Variants in SCGB2B2 observed in about 807,000 individuals in gnomAD.
The protein encoded by SCGB2B2 is secretoglobin family 2B member 2.
SCGB2B2 carries 11 observed loss-of-function variants against 7.6 expected under a neutral mutation model. The ratio of observed to expected loss-of-function variants is 1.45; its 90% CI spans 0.91 to 2.40. SCGB2B2 has a LOEUF of 2.40. Among genes scored for constraint, SCGB2B2 ranks in the 30% most tolerant of loss-of-function variants. The pLI, the probability that SCGB2B2 is intolerant of heterozygous loss-of-function variation, is 0.00. For missense variants in SCGB2B2, 104 were observed against 115.4 expected (o/e 0.90, Z 0.45); for synonymous variants, 50 against 48.6 (o/e 1.03, Z -0.12).
chr19:34,662,606 G>A (rs1161536316), intron 1 of SCGB2B2, among the ~76,000 whole-genome samples: 1 of 151,406 alleles, frequency 6.6e-6, no homozygotes, highest in African/African-American at 2.4e-5. Flanking sequence ...AAACCATAAG[G>A]AAAATACAAA....
chr19:34,636,718 A>G (rs778117383), intron 1 of SCGB2B2, among the ~76,000 whole-genome samples: 10 of 152,184 alleles, frequency 6.6e-5, no homozygotes, highest in Non-Finnish European at 1.0e-4. Context: ...AAACATAGAA[A>G]AGAGTTATGG....
At chr19:34,629,882 C>T (rs147558307) in intron 1 of SCGB2B2, among the ~76,000 whole-genome samples, 1 of 151,932 alleles carries the variant, frequency 6.6e-6, no homozygotes, top group Non-Finnish European at 1.5e-5. Flanking sequence ...GGCTACATAA[C>T]CAAAACAGCA....
chr19:34,597,689 C>T (rs1031770098), intron 1 of SCGB2B2, among the ~76,000 whole-genome samples: 3 of 152,022 alleles, frequency 2.0e-5, no homozygotes, highest in Admixed American at 6.6e-5. Flanking sequence ...GGACGCGAGG[C>T]CTTCCCTGCA....
intron 1 of SCGB2B2, among the ~76,000 whole-genome samples, chr19:34,649,246 T>C (rs1312723558): frequency 6.6e-6 from 1 of 152,132 alleles, no homozygotes; most frequent in Non-Finnish European, 1.5e-5. Context: ...ATGTAAAAGT[T>C]CCGGAACAGT....
At chr19:34,637,337 G>A (rs922749367) in intron 1 of SCGB2B2, among the ~76,000 whole-genome samples, 8 of 152,166 alleles carry the variant, frequency 5.3e-5, no homozygotes, top group African/African-American at 1.9e-4. Context: ...GTCCAGCCCT[G>A]GCACCCACAG....
chr19:34,670,737 A>G (rs983711761), intron 1 of SCGB2B2, among the ~76,000 whole-genome samples: 14 of 152,168 alleles, frequency 9.2e-5, no homozygotes, highest in African/African-American at 3.4e-4. Context: ...ACTGTTGACA[A>G]AGTTGAATGT....
At chr19:34,609,342 A>C (rs1483374509) in intron 1 of SCGB2B2, among the ~76,000 whole-genome samples, 2 of 150,582 alleles carry the variant, frequency 1.3e-5, no homozygotes, top group African/African-American at 5.0e-5. Context: ...AGTCCTGTTT[A>C]TTTTTTCTTT....
intron 1 of SCGB2B2, among the ~76,000 whole-genome samples, chr19:34,637,445 G>A (rs1189056651): frequency 6.6e-6 from 1 of 152,182 alleles, no homozygotes; most frequent in Non-Finnish European, 1.5e-5. Flanking sequence ...AAAGAGCCCA[G>A]CCTGGGATGC....
downstream of SCGB2B2, among the ~76,000 whole-genome samples, chr19:34,590,358 C>T (rs2065269209): frequency 7.2e-6 from 1 of 138,782 alleles, no homozygotes; most frequent in Admixed American, 7.6e-5. Context: ...ACTCATCATC[C>T]ATCCATCCAT....
At chr19:34,664,421 G>A (rs2067553466) in intron 1 of SCGB2B2, among the ~76,000 whole-genome samples, 1 of 152,160 alleles carries the variant, frequency 6.6e-6, no homozygotes, top group South Asian at 2.1e-4. Flanking sequence ...CCTCACCTTG[G>A]ACAGCAGCCC....
chr19:34,618,605 G>A (rs2066155835), intron 1 of SCGB2B2, among the ~76,000 whole-genome samples: 1 of 152,130 alleles, frequency 6.6e-6, no homozygotes, highest in Admixed American at 6.5e-5. Context: ...CTTAAAAACT[G>A]CTGAACTAGA....
At chr19:34,662,708 G>A (rs573316476) in intron 1 of SCGB2B2, among the ~76,000 whole-genome samples, 45 of 152,146 alleles carry the variant, frequency 3.0e-4, no homozygotes, top group Non-Finnish European at 1.3e-4. Context: ...TAGCACATTG[G>A]GAGGCCAAGG....
At position 34,676,516 on chromosome 19, in the gene SCGB2B2, T is replaced by C. The variant is rs560575706; in HGVS notation, c.-2918A>G. The C allele has an allele frequency of 1.3e-5, 2 of 152,284 alleles. No individual in the cohort carries two copies. Among genetic ancestry groups the C allele is most frequent in the South Asian group, 4.1e-4 (2 of 4,830 alleles). The allele number at this position is 152,284 out of a possible 1,614,324, so 9.4% of individuals were successfully genotyped here. A position where few individuals can be genotyped will look rare whatever the true frequency, so the allele number is the denominator to read the frequency against. Reference sequence around the variant, plus strand: ...CATCATCAAGCAATAAATACAAGTATCCCTAGTCCAGCAGCCCAAGCTGCT... The same window carrying C: ...CATCATCAAGCAATAAATACAAGTACCCCTAGTCCAGCAGCCCAAGCTGCT... On this transcript the variant is annotated 5_prime_UTR_variant, in exon 1 of 4. Coordinates refer to ENST00000601241, the MANE Select transcript of SCGB2B2 (RefSeq NM_001025591.4).
chr19:34,612,269 C>T (rs553316080), intron 1 of SCGB2B2, among the ~76,000 whole-genome samples: 8 of 151,544 alleles, frequency 5.3e-5, no homozygotes, highest in African/African-American at 1.5e-4. Context: ...GATCTCCTGA[C>T]ATCGTGATCC....
chr19:34,624,001 G>A (rs1370437774), intron 1 of SCGB2B2, among the ~76,000 whole-genome samples: 2 of 152,182 alleles, frequency 1.3e-5, no homozygotes, highest in Non-Finnish European at 2.9e-5. Flanking sequence ...ATAGAGGGAT[G>A]CAGGAGGAAA....
At position 34,630,591 on chromosome 19, in the gene SCGB2B2, G is replaced by T. The variant is rs531047632; in HGVS notation, c.-2031-33997C>A. Among the ~76,000 whole-genome samples the T allele has an allele frequency of 1.8e-4, 28 of 151,946 alleles. No individual in the cohort carries two copies. In the East Asian group the frequency reaches 3.5e-3, roughly 19 times the overall value. ...ACCATCTCACGCCAGTTAGAATGGC[G>T]ATCATTAAAAAGCCAGGAAATAACA... On this transcript the variant is annotated intron_variant, in intron 1 of 3. Transcript: ENST00000601241.
intron 1 of SCGB2B2, among the ~76,000 whole-genome samples, chr19:34,630,530 C>T (rs548391370): frequency 2.6e-5 from 4 of 151,928 alleles, no homozygotes; most frequent in Non-Finnish European, 5.9e-5. Flanking sequence ...CCATCACTGG[C>T]CATCAGAGAA....
chr19:34,637,299 C>A (rs911199511), intron 1 of SCGB2B2, among the ~76,000 whole-genome samples: 1 of 152,166 alleles, frequency 6.6e-6, no homozygotes, highest in African/African-American at 2.4e-5. Context: ...AGTGGGGCTG[C>A]CTGGGGAGGG....
At chr19:34,647,118 C>T (rs1356057705) in intron 1 of SCGB2B2, among the ~76,000 whole-genome samples, 1 of 152,200 alleles carries the variant, frequency 6.6e-6, no homozygotes, top group Non-Finnish European at 1.5e-5. Flanking sequence ...ACCTGCAGCT[C>T]AGCTCTGCTC....
Sources: gnomAD v4.1 joint callset for allele counts (sites outside exome capture counted in the v4.1 genomes callset) on GRCh38, gnomAD v4.1.1 for gene constraint, MANE v1.5 for transcripts, NCBI Gene and HGNC (gene_info 2026-07-23, HGNC 2026-07-21) for gene names.